The following ERBB4 variants were observed in gnomAD, a reference collection of about 807,000 sequenced individuals.
ERBB4 encodes receptor tyrosine-protein kinase erbB-4.
Under a neutral mutation model 158.0 loss-of-function variants are expected in ERBB4, and 42 were observed. The ratio of observed to expected loss-of-function variants is 0.27; its 90% confidence interval spans 0.21 to 0.34. ERBB4 has a LOEUF of 0.34. Ranked by LOEUF, ERBB4 falls within the 10% of genes least tolerant of loss-of-function variation. The probability of loss-of-function intolerance (pLI) is 1.00; values close to 1 mark genes in which losing one functional copy is unlikely to be tolerated. For synonymous variants in ERBB4, 583 were observed against 558.7 expected, an observed-to-expected ratio of 1.04 and a Z score of -0.61; for missense variants, 1,333 against 1,624.1, an observed-to-expected ratio of 0.82 and a Z score of 3.08.
intron 12 of ERBB4, among the ~76,000 whole-genome samples, chr2:211,682,460 A>C (rs973499017): frequency 1.3e-5 from 2 of 152,184 alleles, no homozygotes; most frequent in Admixed American, 1.3e-4. Flanking sequence ...AACCTCATTT[A>C]GAAACATCCT....
At chr2:211,854,959 C>T (rs1235226874) in intron 3 of ERBB4, among the ~76,000 whole-genome samples, 1 of 152,120 alleles carries the variant, frequency 6.6e-6, no homozygotes, top group African/African-American at 2.4e-5. Context: ...GTGGATGTAC[C>T]AATTTAAACT....
chr2:211,928,579 C>G (rs1006202598), intron 3 of ERBB4, among the ~76,000 whole-genome samples: 45 of 152,256 alleles, frequency 3.0e-4, no homozygotes, highest in Middle Eastern at 3.4e-3. Flanking sequence ...AAAGAGCACG[C>G]CTTTTACCAT....
At chr2:212,075,231 T>C (rs1436085208) in intron 2 of ERBB4, among the ~76,000 whole-genome samples, 2 of 152,066 alleles carry the variant, frequency 1.3e-5, no homozygotes, top group East Asian at 3.9e-4. Context: ...TTAATCCAAT[T>C]CTCATACACA....
At chr2:211,923,791 C>T (rs1169696823) in intron 3 of ERBB4, among the ~76,000 whole-genome samples, 3 of 152,050 alleles carry the variant, frequency 2.0e-5, no homozygotes, top group Non-Finnish European at 2.9e-5. Flanking sequence ...GGCACAATCT[C>T]GGCTCACTGT....
chr2:211,962,036 GGGTTTCTGGGGTGGGTA>G (rs1448215017), intron 2 of ERBB4, among the ~76,000 whole-genome samples: 1 of 152,048 alleles, frequency 6.6e-6, no homozygotes, highest in East Asian at 1.9e-4. Context: ...GCACATAGTG[GGGTTTCTGGGGTGGGTA>G]GCAAAGCTCT....
chr2:212,059,760 T>A (rs1339742849), intron 2 of ERBB4, among the ~76,000 whole-genome samples: 2 of 152,120 alleles, frequency 1.3e-5, no homozygotes, highest in Non-Finnish European at 2.9e-5. Flanking sequence ...TGAAACTGGA[T>A]CCCTCCCTTA....
intron 1 of ERBB4, among the ~76,000 whole-genome samples, chr2:212,368,996 C>T (rs2089992296): frequency 6.6e-6 from 1 of 152,096 alleles, no homozygotes; most frequent in Non-Finnish European, 1.5e-5. Flanking sequence ...TTAGAATCTA[C>T]CTTGTAACAC....
At chr2:211,814,112 C>T (rs1231711952) in intron 3 of ERBB4, among the ~76,000 whole-genome samples, 3 of 152,054 alleles carry the variant, frequency 2.0e-5, no homozygotes, top group Non-Finnish European at 2.9e-5. Context: ...ATTGAGACTA[C>T]AGAAGTCTAA....
chr2:211,508,418 G>T (rs2065803219), intron 20 of ERBB4, among the ~76,000 whole-genome samples: 1 of 152,118 alleles, frequency 6.6e-6, no homozygotes, highest in African/African-American at 2.4e-5. Context: ...AATAAAAACT[G>T]CAATGAGATA....
intron 14 of ERBB4, among the ~76,000 whole-genome samples, chr2:211,670,063 A>T (rs987478195): frequency 6.6e-6 from 1 of 152,222 alleles, no homozygotes; most frequent in Non-Finnish European, 1.5e-5. Flanking sequence ...TGGGATTTCC[A>T]AATGGCTTTG....
chr2:212,440,627 G>T (rs2092234011), intron 1 of ERBB4, among the ~76,000 whole-genome samples: 1 of 152,114 alleles, frequency 6.6e-6, no homozygotes, highest in African/African-American at 2.4e-5. Context: ...GGTTTCTAGA[G>T]TTGGCTGCTT....
intron 1 of ERBB4, among the ~76,000 whole-genome samples, chr2:212,239,484 G>A (rs958578020): frequency 6.6e-5 from 10 of 152,190 alleles, no homozygotes; most frequent in African/African-American, 2.4e-4. Flanking sequence ...TATCAAAATA[G>A]TGATTTCTAC....
chr2:212,527,946 A>C (rs1388792872), intron 1 of ERBB4, among the ~76,000 whole-genome samples: 1 of 145,384 alleles, frequency 6.9e-6, no homozygotes, highest in Non-Finnish European at 1.5e-5. Context: ...GAGTGAGAAC[A>C]TGTGGTGTTT....
intron 3 of ERBB4, among the ~76,000 whole-genome samples, chr2:211,893,609 C>G (rs2079025211): frequency 7.1e-6 from 1 of 139,968 alleles, no homozygotes; most frequent in African/African-American, 2.9e-5. Context: ...AAGCTACCAT[C>G]AGAGTGAACA....
At chr2:212,145,357 T>C (rs1575699830) in intron 1 of ERBB4, among the ~76,000 whole-genome samples, 1 of 128,422 alleles carries the variant, frequency 7.8e-6, no homozygotes, top group Non-Finnish European at 1.6e-5. Context: ...GATTATACCA[T>C]CATATTCCCC....
chr2:212,033,091 A>G (rs2076938630), intron 2 of ERBB4, among the ~76,000 whole-genome samples: 1 of 151,986 alleles, frequency 6.6e-6, no homozygotes, highest in Non-Finnish European at 1.5e-5. Flanking sequence ...GCTTAAAACT[A>G]GATACACGGC....
intron 20 of ERBB4, among the ~76,000 whole-genome samples, chr2:211,485,367 A>G (rs1010461193): frequency 2.0e-5 from 3 of 152,050 alleles, no homozygotes; most frequent in African/African-American, 4.8e-5. Context: ...TTGTTCGTTT[A>G]TCCTTTTTCT....
chr2:211,544,531 C>A lies in ERBB4; in HGVS notation c.2487+17372G>T, dbSNP rs568961020. Among the ~76,000 whole-genome samples, 32 of 151,992 alleles carry A rather than the reference C, an allele frequency of 2.1e-4. 1 individual carries two copies. The South Asian group carries it at 6.6e-3, about 32-fold the overall frequency. ...GCCTCCATGCTTACCAGCTATGCAA[C>A]CTTGAACACACTTAGGACCTCTTTA... On this transcript the variant is annotated intron_variant, in intron 20 of 27. Coordinates refer to ENST00000342788, the MANE Select transcript of ERBB4 (RefSeq NM_005235.3).
intron 1 of ERBB4, among the ~76,000 whole-genome samples, chr2:212,467,412 G>A (rs528030836): frequency 6.6e-6 from 1 of 152,310 alleles, no homozygotes; most frequent in Non-Finnish European, 1.5e-5. Flanking sequence ...ACAGCCTAGA[G>A]ATTTGGTGCC....
Sources: allele counts gnomAD v4.1 joint callset (sites outside exome capture counted in the v4.1 genomes callset), GRCh38; gene constraint gnomAD v4.1.1; transcripts MANE v1.5; gene names NCBI Gene and HGNC (gene_info 2026-07-23, HGNC 2026-07-21).